CAPN13: variants seen among roughly 807,000 people sequenced by gnomAD.
The protein encoded by CAPN13 is calpain 13.
CAPN13 carries 90 observed loss-of-function variants against 98.4 expected under a neutral mutation model. That is an observed-to-expected ratio of 0.92 (90% CI 0.77 to 1.09). The LOEUF is 1.09. Ranked by LOEUF, CAPN13 falls within the 50% of genes least tolerant of loss-of-function variation. CAPN13 has a pLI of 0.00. For missense variants in CAPN13, 887 were observed against 841.3 expected (o/e 1.05, Z -0.67); for synonymous variants, 330 against 305.5 (o/e 1.08, Z -0.84).
chr2:30,795,761 A>G (rs1207500032), intron 1 of CAPN13, among the ~76,000 whole-genome samples: 1 of 152,124 alleles, frequency 6.6e-6, no homozygotes, highest in East Asian at 1.9e-4. Context: ...TTACACTAAT[A>G]CAAATGTATT....
intron 4 of CAPN13, among the ~76,000 whole-genome samples, chr2:30,775,438 C>CTGCTGCAGA (rs1673634944): frequency 6.6e-6 from 1 of 152,016 alleles, no homozygotes; most frequent in Non-Finnish European, 1.5e-5. Context: ...TACATAAATG[C>CTGCTGCAGA]TGCTGCATTG....
intron 5 of CAPN13, among the ~76,000 whole-genome samples, chr2:30,769,721 G>C (rs983646718): frequency 6.6e-6 from 1 of 152,238 alleles, no homozygotes; most frequent in African/African-American, 2.4e-5. Context: ...CCTAAAGGCA[G>C]TTCCTAAGTT....
At chr2:30,795,051 G>T (rs1392041715) in intron 1 of CAPN13, among the ~76,000 whole-genome samples, 1 of 151,922 alleles carries the variant, frequency 6.6e-6, no homozygotes, top group African/African-American at 2.4e-5. Context: ...AAAATTAAAT[G>T]CTATATATAA....
intron 12 of CAPN13, among the ~76,000 whole-genome samples, chr2:30,744,246 A>G (rs150033123): frequency 2.8e-3 from 431 of 152,334 alleles, no homozygotes; most frequent in African/African-American, 9.7e-3. Context: ...GCAGGAAATG[A>G]TTATTTATGA....
intron 1 of CAPN13, among the ~76,000 whole-genome samples, chr2:30,800,128 GAAA>G (rs1675144186): frequency 7.7e-6 from 1 of 129,350 alleles, no homozygotes; most frequent in African/African-American, 3.2e-5. Flanking sequence ...AAGAAAGAAA[GAAA>G]GAAAGAAAGA....
intron 15 of CAPN13, among the ~76,000 whole-genome samples, chr2:30,740,092 T>TGG (rs1329989730): frequency 3.8e-5 from 5 of 133,202 alleles, no homozygotes; most frequent in African/African-American, 1.5e-4. Flanking sequence ...GTTTTTTTTT[T>TGG]TTTTTTTTTT....
chr2:30,766,328 C>G (rs1156339367), intron 5 of CAPN13, among the ~76,000 whole-genome samples: 1 of 152,198 alleles, frequency 6.6e-6, no homozygotes, highest in Non-Finnish European at 1.5e-5. Flanking sequence ...CGGAGTCACC[C>G]AAGACAACCA....
intron 6 of CAPN13, among the ~76,000 whole-genome samples, 162 bp downstream of exon 6, chr2:30,763,970 G>A (rs1054945273): frequency 6.6e-6 from 1 of 152,216 alleles, no homozygotes; most frequent in Non-Finnish European, 1.5e-5. Flanking sequence ...CTTAGAGGCA[G>A]GCTACTGCAG....
In CAPN13 at chr2:30,748,688, C is replaced by T. The variant is rs140231846; in HGVS notation, c.1236+2415G>A. The stretch of plus-strand genomic sequence containing the variant: ...GCTTGCAGTAGGAGGCTGGGCCCTG[C>T]CTCCCACCAGGATTCCCTTAAAGTG... On this transcript the variant is annotated intron_variant, in intron 11 of 22. Transcript: ENST00000295055. Among the ~76,000 whole-genome samples, 170 of 152,140 alleles carry T rather than the reference C, an allele frequency of 1.1e-3. 2 individuals carry two copies. The highest frequency in any genetic ancestry group is 3.7e-3 in the African/African-American group (155 of 41,508).
In CAPN13 at chr2:30,743,537, T is replaced by A; in HGVS notation, c.1291A>T (p.Arg431Ter). The change falls in exon 13 of 23, where the codon AGA (arginine) becomes TGA (stop). Residue 431 changes from arginine to a stop codon, truncating the protein, a stop_gained. Coordinates refer to ENST00000295055, the MANE Select transcript of CAPN13 (RefSeq NM_144575.3). LOFTEE classifies it high-confidence loss of function. Reference protein sequence around the residue: ...KFPPVFFSSFRNTVQSSNNKF... With the variant: ...KFPPVFFSSF Reference sequence around the variant, plus strand: ...TTATTTGAGCTTTGGACAGTGTTTCTGAACGAGGAAAAAAACACGGGTGGA... The same window carrying A: ...TTATTTGAGCTTTGGACAGTGTTTCAGAACGAGGAAAAAAACACGGGTGGA... 1 of 1,613,994 alleles carries A rather than the reference T, an allele frequency of 6.2e-7. No homozygotes were observed.
intron 4 of CAPN13, among the ~76,000 whole-genome samples, chr2:30,775,220 G>A (rs1572855273): frequency 6.6e-6 from 1 of 152,012 alleles, no homozygotes; most frequent in African/African-American, 2.4e-5. Context: ...GCAGCACCAA[G>A]TTCAAAATGA....
chr2:30,770,285 G>C (rs761746424), intron 5 of CAPN13, 28 bp downstream of exon 5: 5 of 1,610,632 alleles, frequency 3.1e-6, no homozygotes, highest in East Asian at 2.2e-5. Context: ...TGAAACTCTG[G>C]GCTGATGGGT....
chr2:30,782,562 G>A (rs1030457803), intron 2 of CAPN13, among the ~76,000 whole-genome samples: 3 of 152,136 alleles, frequency 2.0e-5, no homozygotes, highest in Non-Finnish European at 4.4e-5. Flanking sequence ...GTCGCAAGGT[G>A]AGTCGTTTCT....
chr2:30,804,831 T>C (rs546137724), intron 1 of CAPN13, among the ~76,000 whole-genome samples: 3 of 152,324 alleles, frequency 2.0e-5, no homozygotes, highest in Middle Eastern at 3.4e-3. Context: ...AGAGATGGAA[T>C]GGACCAGCCT....
chr2:30,776,693 T>C (rs1673715873), intron 3 of CAPN13, among the ~76,000 whole-genome samples: 1 of 152,226 alleles, frequency 6.6e-6, no homozygotes, highest in African/African-American at 2.4e-5. Flanking sequence ...GAGTTTCTCC[T>C]TGGATGTCGT....
chr2:30,802,081 C>T (rs888787115), intron 1 of CAPN13, among the ~76,000 whole-genome samples: 1 of 152,168 alleles, frequency 6.6e-6, no homozygotes, highest in Non-Finnish European at 1.5e-5. Flanking sequence ...CCAGTCTGTG[C>T]CTGGCCATTC....
At chr2:30,736,380 G>T in intron 18 of CAPN13, 123 bp downstream of exon 18, 1 of 929,600 alleles carries the variant, frequency 1.1e-6, no homozygotes, top group Non-Finnish European at 1.7e-6. Context: ...AGCTCTCCTT[G>T]AGGGCAGGGG....
At chr2:30,800,144 GAA>G (rs1436517197) in intron 1 of CAPN13, among the ~76,000 whole-genome samples, 1 of 147,122 alleles carries the variant, frequency 6.8e-6, no homozygotes, top group African/African-American at 2.6e-5. Flanking sequence ...AAGAAAGAAA[GAA>G]AGAAAGAAAG....
chr2:30,728,487 AG>A (rs1670939553), intron 22 of CAPN13, among the ~76,000 whole-genome samples: 1 of 152,174 alleles, frequency 6.6e-6, no homozygotes, highest in South Asian at 2.1e-4. Flanking sequence ...GGTGACTGAC[AG>A]CCAAGACAGA....
Sources: gnomAD v4.1 joint callset for allele counts (sites outside exome capture counted in the v4.1 genomes callset) on GRCh38, gnomAD v4.1.1 for gene constraint, MANE v1.5 for transcripts, NCBI Gene and HGNC (gene_info 2026-07-23, HGNC 2026-07-21) for gene names.